Variants in NXN observed in about 807,000 individuals in gnomAD.
The protein encoded by NXN is nucleoredoxin, also known as nucleoredoxin 1.
In NXN, 16 loss-of-function variants were observed where a neutral mutation model predicts 48.6. The ratio of observed to expected loss-of-function variants is 0.33; its 90% CI spans 0.22 to 0.50. The LOEUF (loss-of-function observed/expected upper bound fraction) is 0.50. NXN is among the 20% of genes least tolerant of loss of function. The pLI, the probability that NXN is intolerant of heterozygous loss-of-function variation, is 0.98. For missense variants in NXN, 492 were observed against 605.5 expected (o/e 0.81, Z 1.97); for synonymous variants, 281 against 269.6 (o/e 1.04, Z -0.41).
At chr17:824,108 C>T (rs1912968341) in intron 2 of NXN, among the ~76,000 whole-genome samples, 1 of 150,386 alleles carries the variant, frequency 6.6e-6, no homozygotes, top group African/African-American at 2.5e-5. Flanking sequence ...GGCGCAATCT[C>T]AGCTCACTGC....
Position 960,585 on chromosome 17 carries a change from G to C in NXN, c.360+18734C>G, listed in dbSNP as rs549406402. ...ACACAAGTCCCTGGGCTCAAGCGATGCTTCCACCTCAGCATCCTGAGTAGC... is the reference window on the plus strand; with the variant it reads ...ACACAAGTCCCTGGGCTCAAGCGATCCTTCCACCTCAGCATCCTGAGTAGC... On this transcript the variant is annotated intron_variant, in intron 1 of 7. Coordinates refer to ENST00000336868, the MANE Select transcript of NXN (RefSeq NM_022463.5). Among the ~76,000 whole-genome samples the C allele has an allele frequency of 1.3e-4, 19 of 145,542 alleles. 1 individual carries two copies. The East Asian group carries it at 3.8e-3, about 29-fold the overall frequency.
At chr17:844,530 C>CA (rs2067838590) in intron 1 of NXN, among the ~76,000 whole-genome samples, 1 of 152,118 alleles carries the variant, frequency 6.6e-6, no homozygotes, top group Admixed American at 6.6e-5. Flanking sequence ...AAGGACTTTG[C>CA]AAAAAATACA....
At chr17:951,923 C>A (rs1356197326) in intron 1 of NXN, among the ~76,000 whole-genome samples, 2 of 152,202 alleles carry the variant, frequency 1.3e-5, no homozygotes, top group Non-Finnish European at 2.9e-5. Context: ...TGCACCAGAG[C>A]CTGAGTCCTG....
Position 957,825 on chromosome 17 carries a change from C to T in NXN, c.360+21494G>A, listed in dbSNP as rs184630247. 7.2e-5 allele frequency among the ~76,000 whole-genome samples: 11 copies of T among 152,132 alleles called. No homozygotes were observed. In the East Asian group the frequency reaches 1.9e-3, roughly 27 times the overall value. ...CTCTTTCTCAGTCCAAGCCCAGACC[C>T]GAGAGAGGCAGCTCTCACCTTGCAA... is the stretch of plus-strand genomic sequence containing the variant. On this transcript the variant is annotated intron_variant, in intron 1 of 7. Coordinates refer to ENST00000336868, the MANE Select transcript of NXN (RefSeq NM_022463.5).
intron 1 of NXN, among the ~76,000 whole-genome samples, chr17:955,682 G>A (rs571083984): frequency 2.7e-5 from 4 of 150,266 alleles, no homozygotes; most frequent in African/African-American, 9.8e-5. Context: ...GGATCACAAG[G>A]TCAGGAGATT....
At chr17:976,829 C>T (rs973547857) in intron 1 of NXN, among the ~76,000 whole-genome samples, 6 of 150,010 alleles carry the variant, frequency 4.0e-5, no homozygotes, top group Admixed American at 6.6e-5. Context: ...TGCAATGGTG[C>T]GATCTCGGCT....
At chr17:815,127 T>C (rs535239761) in intron 5 of NXN, among the ~76,000 whole-genome samples, 1 of 152,348 alleles carries the variant, frequency 6.6e-6, no homozygotes, top group East Asian at 1.9e-4. Context: ...TTGTGGTTCA[T>C]AATGAAATTC....
At chr17:863,769 G>A in intron 1 of NXN, 1 of 621,766 alleles carries the variant, frequency 1.6e-6, no homozygotes, top group Non-Finnish European at 2.8e-6. Flanking sequence ...GGCTGACACT[G>A]TATTTTTGAT....
chr17:947,040 G>C (rs1265742074), intron 1 of NXN, among the ~76,000 whole-genome samples: 1 of 152,140 alleles, frequency 6.6e-6, no homozygotes, highest in Non-Finnish European at 1.5e-5. Flanking sequence ...GAGGAGAGAC[G>C]ATACACGCCA....
At chr17:939,786 TA>T (rs1233558653) in intron 1 of NXN, among the ~76,000 whole-genome samples, 1 of 152,234 alleles carries the variant, frequency 6.6e-6, no homozygotes, top group Non-Finnish European at 1.5e-5. Context: ...TGCTTCTAGC[TA>T]GGGGGTCTGC....
chr17:953,046 G>T (rs1338742493), intron 1 of NXN, among the ~76,000 whole-genome samples: 1 of 152,128 alleles, frequency 6.6e-6, no homozygotes, highest in Non-Finnish European at 1.5e-5. Context: ...ACTTCAAGGT[G>T]GTCCCTGGAA....
At chr17:950,493 C>G (rs950971388) in intron 1 of NXN, among the ~76,000 whole-genome samples, 21 of 151,188 alleles carry the variant, frequency 1.4e-4, no homozygotes, top group Non-Finnish European at 1.0e-4. Flanking sequence ...GTCATTTCAT[C>G]CCCTGTCGAT....
At chr17:823,858 T>C in intron 2 of NXN, 93 bp from the exon 3 acceptor site, 2 of 1,369,488 alleles carry the variant, frequency 1.5e-6, no homozygotes, top group Middle Eastern at 1.8e-4. Flanking sequence ...CTCTTCTTGA[T>C]GACCTGGGAC....
At position 952,239 on chromosome 17, in the gene NXN, G is replaced by C. The variant is rs867887104; in HGVS notation, c.360+27080C>G. Among the ~76,000 whole-genome samples, 18 of 54,444 alleles carry C rather than the reference G, an allele frequency of 3.3e-4. No individual in the cohort carries two copies. The East Asian group carries it at 5.5e-3, about 17-fold the overall frequency. The allele number at this position is 54,444 out of a possible 152,430, so 35.7% of individuals were successfully genotyped here. A position where few individuals can be genotyped will look rare whatever the true frequency, so the allele number is the denominator to read the frequency against. ...CAGGTACCACGGACGGTCACACTGT[G>C]GGGGGGCTGGGGTCAGACAGACCAA... On this transcript the variant is annotated intron_variant, in intron 1 of 7. Coordinates refer to ENST00000336868, the MANE Select transcript of NXN (RefSeq NM_022463.5).
At chr17:886,411 T>G (rs1384559236) in intron 1 of NXN, among the ~76,000 whole-genome samples, 1 of 152,188 alleles carries the variant, frequency 6.6e-6, no homozygotes, top group African/African-American at 2.4e-5. Flanking sequence ...TAGATTCTGC[T>G]GGACACCTGC....
intron 1 of NXN, among the ~76,000 whole-genome samples, chr17:852,634 G>A (rs1386745591): frequency 2.6e-5 from 4 of 152,180 alleles, no homozygotes; most frequent in Non-Finnish European, 5.9e-5. Context: ...CAGAAAGTAG[G>A]GCTGGGTGGG....
chr17:960,504 G>A (rs190976073), intron 1 of NXN, among the ~76,000 whole-genome samples: 23 of 151,904 alleles, frequency 1.5e-4, no homozygotes, highest in Non-Finnish European at 2.8e-4. Context: ...CCAACATGCA[G>A]GGCCAATTTT....
At chr17:802,926 G>A (rs1911279821) in intron 7 of NXN, among the ~76,000 whole-genome samples, 1 of 133,974 alleles carries the variant, frequency 7.5e-6, no homozygotes, top group African/African-American at 2.8e-5. Flanking sequence ...CTCCAAAACT[G>A]TCTGTCAGTC....
intron 1 of NXN, among the ~76,000 whole-genome samples, chr17:882,825 C>T (rs929417107): frequency 6.6e-5 from 10 of 152,070 alleles, no homozygotes; most frequent in African/African-American, 1.2e-4. Context: ...TGCAGTGGCG[C>T]GATCTTGGCT....
Sources: allele counts gnomAD v4.1 joint callset (sites outside exome capture counted in the v4.1 genomes callset), GRCh38; gene constraint gnomAD v4.1.1; transcripts MANE v1.5; gene names NCBI Gene and HGNC (gene_info 2026-07-23, HGNC 2026-07-21).